STK32B: variants seen among roughly 807,000 people sequenced by gnomAD.
The protein encoded by STK32B is serine/threonine kinase 32B, also known as serine/threonine-protein kinase 32B.
In STK32B, 43 loss-of-function variants were observed where a neutral mutation model predicts 52.6. The ratio of observed to expected loss-of-function variants is 0.82; its 90% confidence interval spans 0.64 to 1.05. The LOEUF is 1.05. Among genes scored for constraint, STK32B ranks in the 50% least tolerant of loss-of-function variants. STK32B has a pLI of 0.00. For missense variants in STK32B, 621 were observed against 534.6 expected, an observed-to-expected ratio of 1.16 and a Z score of -1.59; for synonymous variants, 238 against 204.3, an observed-to-expected ratio of 1.17 and a Z score of -1.41.
intron 6 of STK32B, among the ~76,000 whole-genome samples, chr4:5,426,118 A>G (rs182621219): frequency 6.6e-6 from 1 of 152,290 alleles, no homozygotes; most frequent in Admixed American, 6.5e-5. Context: ...ATAATTACCT[A>G]GAAGTGAGAT....
intron 3 of STK32B, among the ~76,000 whole-genome samples, chr4:5,172,241 A>G (rs987180974): frequency 1.3e-5 from 2 of 152,188 alleles, no homozygotes; most frequent in Non-Finnish European, 2.9e-5. Context: ...ATATACAATC[A>G]TGTCGTCTGC....
intron 3 of STK32B, among the ~76,000 whole-genome samples, chr4:5,257,195 GTGAA>G (rs767155312): frequency 2.6e-5 from 4 of 152,020 alleles, no homozygotes; most frequent in African/African-American, 4.8e-5. Flanking sequence ...AGGTGAGTGA[GTGAA>G]TGAGTGAGTG....
the STK32B span, among the ~76,000 whole-genome samples, chr4:5,024,149 C>T: frequency 1.3e-5 from 2 of 152,324 alleles, no homozygotes; most frequent in South Asian, 4.1e-4. Context: ...CTTGACTAGG[C>T]TACCATCCTC....
intron 1 of STK32B, among the ~76,000 whole-genome samples, chr4:5,123,856 CCACCACCAT>C (rs988556159): frequency 2.4e-4 from 9 of 37,172 alleles, no homozygotes; most frequent in Admixed American, 6.5e-4. Flanking sequence ...ACCACCACCA[CCACCACCAT>C]CATCAATCTC....
intron 3 of STK32B, among the ~76,000 whole-genome samples, chr4:5,270,480 TCTC>T (rs1210522990): frequency 6.6e-6 from 1 of 151,964 alleles, no homozygotes; most frequent in East Asian, 1.9e-4. Flanking sequence ...CAAAGGCAGA[TCTC>T]CTTTGGTAAC....
At chr4:5,436,517 T>C (rs3774838) in intron 6 of STK32B, 72,675 of 871,504 alleles carry the variant, frequency 0.083, 3,745 homozygotes, top group East Asian at 0.39. Flanking sequence ...AAACTGACTC[T>C]CTGGTCAGCA....
At chr4:5,234,770 C>T (rs1165258721) in intron 3 of STK32B, among the ~76,000 whole-genome samples, 4 of 152,224 alleles carry the variant, frequency 2.6e-5, no homozygotes, top group Admixed American at 6.5e-5. Flanking sequence ...GAAATTGGAA[C>T]AGAAAAGTTG....
At chr4:5,448,206 A>G (rs918324088) in intron 7 of STK32B, among the ~76,000 whole-genome samples, 1 of 152,244 alleles carries the variant, frequency 6.6e-6, no homozygotes, top group South Asian at 2.1e-4. Context: ...ATTATTATAC[A>G]TTGCATTCTT....
intron 3 of STK32B, among the ~76,000 whole-genome samples, chr4:5,193,508 C>T (rs763228746): frequency 1.6e-4 from 24 of 152,172 alleles, no homozygotes; most frequent in African/African-American, 3.9e-4. Flanking sequence ...GCCTCCCAGG[C>T]GCCGTGGAAG....
At chr4:5,190,517 C>T (rs951376013) in intron 3 of STK32B, among the ~76,000 whole-genome samples, 34 of 152,084 alleles carry the variant, frequency 2.2e-4, no homozygotes, top group African/African-American at 7.2e-4. Context: ...TTCATTTATT[C>T]AACACATTAA....
chr4:5,347,666 A>T (rs533229422), intron 4 of STK32B, among the ~76,000 whole-genome samples: 11 of 152,232 alleles, frequency 7.2e-5, no homozygotes, highest in African/African-American at 2.2e-4. Flanking sequence ...CCACATGTCA[A>T]AGAAGGGGCC....
intron 1 of STK32B, among the ~76,000 whole-genome samples, chr4:5,137,361 A>G (rs1161887082): frequency 6.6e-6 from 1 of 152,222 alleles, no homozygotes; most frequent in East Asian, 1.9e-4. Context: ...GACTCCACAG[A>G]GAGGGCACAG....
chr4:5,376,949 C>G (rs1735626664), intron 4 of STK32B, among the ~76,000 whole-genome samples: 1 of 152,254 alleles, frequency 6.6e-6, no homozygotes, highest in Admixed American at 6.5e-5. Flanking sequence ...GCCTCTGCCC[C>G]TGCTTCAATT....
chr4:5,297,752 T>G (rs770969552), intron 3 of STK32B, among the ~76,000 whole-genome samples: 4 of 152,028 alleles, frequency 2.6e-5, no homozygotes, highest in Non-Finnish European at 5.9e-5. Flanking sequence ...GAGGAGTTTG[T>G]TATTACCCAC....
At chr4:5,233,167 T>C (rs1439264592) in intron 3 of STK32B, among the ~76,000 whole-genome samples, 1 of 152,130 alleles carries the variant, frequency 6.6e-6, no homozygotes, top group Non-Finnish European at 1.5e-5. Flanking sequence ...TTGTGAAGGT[T>C]TGGAGTAGCA....
chr4:5,247,745 C>G (rs951712051), intron 3 of STK32B, among the ~76,000 whole-genome samples: 9 of 152,168 alleles, frequency 5.9e-5, no homozygotes, highest in East Asian at 5.8e-4. Context: ...CTTAGGGAAG[C>G]CTTTTTTTCT....
chr4:5,159,645 GT>G (rs1718228875), intron 2 of STK32B, among the ~76,000 whole-genome samples: 1 of 48,782 alleles, frequency 2.0e-5, no homozygotes, highest in East Asian at 5.6e-4. Flanking sequence ...ATATATGAAT[GT>G]ATATGAATAT....
rs1331774589 is a variant in STK32B at position 5,067,272 on chromosome 4, A to T, written c.52+15357A>T. ...CACCCTCATGATTCATTTATCTCCC[A>T]CTCGGTCCCTCCCCCAACACATGGG... is the stretch of plus-strand genomic sequence containing the variant. On this transcript the variant is annotated intron_variant, in intron 1 of 11. Coordinates refer to ENST00000282908, the MANE Select transcript of STK32B (RefSeq NM_018401.3). Among the ~76,000 whole-genome samples the T allele has an allele frequency of 3.9e-5, 6 of 152,134 alleles. No individual in the cohort carries two copies. In the East Asian group the frequency reaches 1.2e-3, roughly 29 times the overall value.
intron 4 of STK32B, among the ~76,000 whole-genome samples, chr4:5,387,526 G>A (rs195139): frequency 6.6e-6 from 1 of 152,028 alleles, no homozygotes; most frequent in Non-Finnish European, 1.5e-5. Flanking sequence ...AAACTGAGAG[G>A]TGACGGGTGC....
Sources: allele counts gnomAD v4.1 joint callset (sites outside exome capture counted in the v4.1 genomes callset), GRCh38; gene constraint gnomAD v4.1.1; transcripts MANE v1.5; gene names NCBI Gene and HGNC (gene_info 2026-07-23, HGNC 2026-07-21).